The following NDST3 variants were observed in gnomAD, a reference collection of about 807,000 sequenced individuals.
The protein encoded by NDST3 is N-deacetylase and N-sulfotransferase 3, also known as bifunctional heparan sulfate N-deacetylase/N-sulfotransferase 3.
In NDST3, 58 loss-of-function variants were observed where a neutral mutation model predicts 96.1. That is an observed-to-expected ratio of 0.60 (90% CI 0.49 to 0.75). The LOEUF (loss-of-function observed/expected upper bound fraction) is 0.75, where lower values mean the gene tolerates loss of function less well. Ranked by LOEUF, NDST3 falls within the 30% of genes least tolerant of loss-of-function variation. The probability of loss-of-function intolerance (pLI) is 0.00; values close to 1 mark genes in which losing one functional copy is unlikely to be tolerated. For synonymous variants in NDST3, 333 were observed against 359.7 expected (o/e 0.93, Z 0.84); for missense variants, 788 against 1,034.2 (o/e 0.76, Z 3.27).
At chr4:118,046,462 A>C (rs1198051231) in intron 1 of NDST3, among the ~76,000 whole-genome samples, 3 of 152,184 alleles carry the variant, frequency 2.0e-5, no homozygotes, top group Non-Finnish European at 2.9e-5. Flanking sequence ...AGTAGAGCTG[A>C]CTTCCCTGTG....
chr4:118,177,709 C>A (rs1402606462), intron 6 of NDST3, among the ~76,000 whole-genome samples: 1 of 151,860 alleles, frequency 6.6e-6, no homozygotes, highest in East Asian at 1.9e-4. Flanking sequence ...ATGGGGTAAT[C>A]CTGGATCATG....
intron 6 of NDST3, among the ~76,000 whole-genome samples, chr4:118,154,856 T>C (rs1278884929): frequency 6.6e-6 from 1 of 152,138 alleles, no homozygotes; most frequent in Non-Finnish European, 1.5e-5. Context: ...TCCTTCTTAA[T>C]ATGAGTCAGT....
chr4:118,213,614 T>C (rs1007285673), intron 6 of NDST3, among the ~76,000 whole-genome samples: 4 of 151,470 alleles, frequency 2.6e-5, no homozygotes, highest in South Asian at 2.1e-4. Context: ...TTTTTAACAA[T>C]GTATAAAATG....
Position 118,232,813 on chromosome 4 carries a change from C to T in NDST3, c.1820-199C>T, listed in dbSNP as rs78260847. Among the ~76,000 whole-genome samples the T allele has an allele frequency of 6.8e-3, 1,042 of 152,270 alleles. 13 individuals carry two copies. Among genetic ancestry groups the T allele is most frequent in the African/African-American group, 0.024 (981 of 41,552 alleles). ...CAGTTCTCTCAATCCCTGCAACAGG[C>T]CTCTTTTCACACCACACTATCTCCA... On this transcript the variant is annotated intron_variant, in intron 8 of 13. Coordinates refer to ENST00000296499, the MANE Select transcript of NDST3 (RefSeq NM_004784.3).
intron 2 of NDST3, among the ~76,000 whole-genome samples, chr4:118,090,254 A>G (rs565906950): frequency 3.9e-5 from 6 of 151,994 alleles, no homozygotes; most frequent in Admixed American, 2.6e-4. Context: ...CTTTTTTCAC[A>G]AAGAGGTGAA....
chr4:118,141,114 A>T (rs1406969713), intron 5 of NDST3, among the ~76,000 whole-genome samples: 1 of 152,158 alleles, frequency 6.6e-6, no homozygotes, highest in African/African-American at 2.4e-5. Flanking sequence ...ACTTCAGTCC[A>T]CATTGGCCAA....
At chr4:118,097,450 C>T (rs1400850296) in intron 2 of NDST3, among the ~76,000 whole-genome samples, 1 of 151,870 alleles carries the variant, frequency 6.6e-6, no homozygotes, top group Non-Finnish European at 1.5e-5. Context: ...TTAGAAACTA[C>T]CTTGAACTAT....
At chr4:118,179,997 C>T (rs996967545) in intron 6 of NDST3, among the ~76,000 whole-genome samples, 1 of 152,052 alleles carries the variant, frequency 6.6e-6, no homozygotes, top group Non-Finnish European at 1.5e-5. Context: ...TCCTACCTTA[C>T]GCCTCCAGTT....
intron 2 of NDST3, among the ~76,000 whole-genome samples, chr4:118,077,679 G>A (rs1287411645): frequency 6.6e-6 from 1 of 152,194 alleles, no homozygotes; most frequent in Non-Finnish European, 1.5e-5. Context: ...CTGGCCTGTG[G>A]CATCTCATCT....
At chr4:118,089,753 G>A (rs147879933) in intron 2 of NDST3, among the ~76,000 whole-genome samples, 252 of 152,014 alleles carry the variant, frequency 1.7e-3, no homozygotes, top group African/African-American at 5.8e-3. Flanking sequence ...CTATGAAAAA[G>A]TATTTTATAA....
intron 2 of NDST3, among the ~76,000 whole-genome samples, chr4:118,068,779 T>C (rs2125797102): frequency 6.6e-6 from 1 of 152,264 alleles, no homozygotes; most frequent in Non-Finnish European, 1.5e-5. Context: ...CTTAAAATCA[T>C]GTTGTATAAA....
chr4:118,038,558 A>G (rs896445497), intron 1 of NDST3, among the ~76,000 whole-genome samples: 4 of 152,338 alleles, frequency 2.6e-5, no homozygotes, highest in Admixed American at 6.5e-5. Context: ...CTACCACAGC[A>G]GGGTTTAATT....
At chr4:118,163,422 T>TA (rs1158846971) in intron 6 of NDST3, among the ~76,000 whole-genome samples, 1 of 152,050 alleles carries the variant, frequency 6.6e-6, no homozygotes, top group Non-Finnish European at 1.5e-5. Context: ...TATGCAGCCA[T>TA]AAAAAATGAT....
At chr4:118,066,161 ATATATTATATTTTATATATTATATATCTT>A (rs1726343750) in intron 2 of NDST3, among the ~76,000 whole-genome samples, 1 of 31,174 alleles carries the variant, frequency 3.2e-5, no homozygotes. Context: ...TATATATATT[ATATATTATATTTTATATATTATATATCTT>A]ATATATTATA....
chr4:118,220,548 T>C (rs903708641), intron 6 of NDST3, among the ~76,000 whole-genome samples: 5 of 152,004 alleles, frequency 3.3e-5, no homozygotes, highest in Admixed American at 3.3e-4. Context: ...CAAACCACCA[T>C]GGCAAACGTA....
chr4:118,066,084 T>A (rs1164728886), intron 2 of NDST3, among the ~76,000 whole-genome samples: 2 of 44,450 alleles, frequency 4.5e-5, no homozygotes, highest in Admixed American at 4.2e-4. Context: ...TATAACATAT[T>A]ATATATTATA....
intron 12 of NDST3, among the ~76,000 whole-genome samples, chr4:118,247,224 A>T (rs1159578942): frequency 7.0e-6 from 1 of 143,100 alleles, no homozygotes; most frequent in East Asian, 2.0e-4. Context: ...AAAAAAAAGG[A>T]ATGTCCAGAA....
chr4:118,083,462 C>A (rs1423116021), intron 2 of NDST3, among the ~76,000 whole-genome samples: 1 of 152,036 alleles, frequency 6.6e-6, no homozygotes, highest in Non-Finnish European at 1.5e-5. Flanking sequence ...ATTAAGTGTT[C>A]ATTTCTCCAT....
At chr4:118,096,185 C>A (rs1179423705) in intron 2 of NDST3, among the ~76,000 whole-genome samples, 1 of 151,932 alleles carries the variant, frequency 6.6e-6, no homozygotes, top group African/African-American at 2.4e-5. Flanking sequence ...TACAGTCCCA[C>A]AGCACTCTGA....
Sources: gnomAD v4.1 joint callset for allele counts (sites outside exome capture counted in the v4.1 genomes callset) on GRCh38, gnomAD v4.1.1 for gene constraint, MANE v1.5 for transcripts, NCBI Gene and HGNC (gene_info 2026-07-23, HGNC 2026-07-21) for gene names.